Variants in POR observed in about 807,000 individuals in gnomAD.
POR encodes the protein NADPH--cytochrome P450 reductase.
In POR, 56 loss-of-function variants were observed where a neutral mutation model predicts 84.0. That is an observed-to-expected ratio of 0.67 (90% confidence interval 0.54 to 0.83). The LOEUF is 0.83. POR is among the 40% of genes least tolerant of loss of function. The pLI, the probability that POR is intolerant of heterozygous loss-of-function variation, is 0.00. For missense variants in POR, 938 were observed against 944.3 expected (o/e 0.99, Z 0.09); for synonymous variants, 414 against 400.5 (o/e 1.03, Z -0.40).
chr7:75,951,717 A>G (rs1787430702), intron 1 of POR, among the ~76,000 whole-genome samples: 1 of 152,228 alleles, frequency 6.6e-6, no homozygotes. Flanking sequence ...TGAAAAACCC[A>G]GTCGGTCATA....
chr7:75,969,507 C>T (rs1042547345), intron 2 of POR, among the ~76,000 whole-genome samples: 3 of 152,226 alleles, frequency 2.0e-5, no homozygotes, highest in Admixed American at 1.3e-4. Flanking sequence ...CAGTGCCTCC[C>T]GTGCCCCCAC....
Position 75,986,634 on chromosome 7 carries a change from A to G in POR, c.*153A>G, listed in dbSNP as rs1473534117. 5.1e-6 allele frequency: 5 copies of G among 974,742 alleles called. No homozygotes were observed. Among genetic ancestry groups the G allele is most frequent in the Admixed American group, 2.5e-5 (1 of 39,312 alleles). 60.4% of individuals were successfully genotyped at this position (974,742 alleles called of 1,614,324 possible). A position where few individuals can be genotyped will look rare whatever the true frequency, so the allele number is the denominator to read the frequency against. On this transcript the variant is annotated 3_prime_UTR_variant, in exon 16 of 16. Transcript: ENST00000461988. ...TCTGGGCCTGGGGTGCATCCTCCTC[A>G]GCCCCCAGGCCAGGTGAGGTCCACC...
In POR at chr7:75,986,556, G is replaced by A; in HGVS notation, c.*75G>A. On this transcript the variant is annotated 3_prime_UTR_variant, in exon 16 of 16. Coordinates refer to ENST00000461988, the MANE Select transcript of POR (RefSeq NM_000941.3). Reference sequence around the variant, plus strand: ...TCCTGGCTCCCTCCCGTAGTCTCCTGGGTGTGTTTGGCTTGGCCTTGGCAT... The same window carrying A: ...TCCTGGCTCCCTCCCGTAGTCTCCTAGGTGTGTTTGGCTTGGCCTTGGCAT... 2 of 1,530,976 alleles carry A rather than the reference G, an allele frequency of 1.3e-6. No homozygotes were observed. The highest frequency in any genetic ancestry group is 1.8e-6 in the Non-Finnish European group (2 of 1,140,890). 94.8% of individuals were successfully genotyped at this position (1,530,976 alleles called of 1,614,324 possible). A position where few individuals can be genotyped will look rare whatever the true frequency, so the allele number is the denominator to read the frequency against.
At chr7:75,980,521 G>C in intron 5 of POR, 33 bp downstream of exon 5, 2 of 1,612,692 alleles carry the variant, frequency 1.2e-6, no homozygotes, top group South Asian at 1.1e-5. Flanking sequence ...TGGGCTCCCG[G>C]TGGCCTGCGG....
Position 75,919,382 on chromosome 7 carries a change from CGTGT to C in POR, c.-5+4226_-5+4229del, listed in dbSNP as rs56136603. Among the ~76,000 whole-genome samples the C allele has an allele frequency of 6.8e-4, 99 of 146,518 alleles. 1 individual carries two copies. The highest frequency in any genetic ancestry group is 5.5e-3 in the South Asian group (25 of 4,554). Reference sequence around the variant, plus strand: ...ACACGCCTGTCTGCATCTGTGCGTGCGTGTGTGTGTGTGTGTGTGTGTGTGTATG... The same window carrying C: ...ACACGCCTGTCTGCATCTGTGCGTGCGTGTGTGTGTGTGTGTGTGTGTATG... On this transcript the variant is annotated intron_variant, in intron 1 of 15. Coordinates refer to ENST00000461988, the MANE Select transcript of POR (RefSeq NM_000941.3).
At chr7:75,944,890 CA>C (rs1445802783) in intron 1 of POR, among the ~76,000 whole-genome samples, 135 of 152,220 alleles carry the variant, frequency 8.9e-4, no homozygotes, top group Non-Finnish European at 3.5e-4. Context: ...AACAAATGAA[CA>C]GAGCCTCAGG....
At chr7:75,962,110 G>A (rs1453382631) in intron 2 of POR, among the ~76,000 whole-genome samples, 3 of 152,098 alleles carry the variant, frequency 2.0e-5, no homozygotes, top group Non-Finnish European at 2.9e-5. Context: ...CTTCAGCATC[G>A]TTAGATACCC....
chr7:75,955,603 T>G (rs1357953328), intron 2 of POR, among the ~76,000 whole-genome samples: 2 of 152,226 alleles, frequency 1.3e-5, no homozygotes, highest in Admixed American at 6.5e-5. Context: ...AGGGACTCCC[T>G]GGATTTGGCA....
At chr7:75,916,174 C>T (rs1806558564) in intron 1 of POR, among the ~76,000 whole-genome samples, 1 of 152,140 alleles carries the variant, frequency 6.6e-6, no homozygotes, top group Non-Finnish European at 1.5e-5. Flanking sequence ...AAGACAGCCA[C>T]CCTGCTCTCC....
At chr7:75,939,433 G>A (rs1313077840) in intron 1 of POR, among the ~76,000 whole-genome samples, 1 of 151,282 alleles carries the variant, frequency 6.6e-6, no homozygotes, top group Non-Finnish European at 1.5e-5. Context: ...GGCTTTCGGA[G>A]TACATCTCTA....
intron 1 of POR, among the ~76,000 whole-genome samples, chr7:75,931,192 CA>C (rs1208621986): frequency 6.6e-6 from 1 of 151,960 alleles, no homozygotes; most frequent in Non-Finnish European, 1.5e-5. Flanking sequence ...AATGGATAAA[CA>C]AAATGTGGTA....
At chr7:75,938,459 T>C (rs1252844620) in intron 1 of POR, among the ~76,000 whole-genome samples, 3 of 152,174 alleles carry the variant, frequency 2.0e-5, no homozygotes, top group African/African-American at 7.2e-5. Flanking sequence ...TCTGGGTGTC[T>C]CTTAAAAGTT....
At chr7:75,965,373 G>A (rs186565178) in intron 2 of POR, among the ~76,000 whole-genome samples, 1 of 152,324 alleles carries the variant, frequency 6.6e-6, no homozygotes, top group African/African-American at 2.4e-5. Context: ...TGGCAGTGCT[G>A]ATCCCAGGAG....
chr7:75,947,117 G>C (rs1216846062), intron 1 of POR: 1 of 152,192 alleles, frequency 6.6e-6, no homozygotes, highest in Non-Finnish European at 1.5e-5. Flanking sequence ...TGGGTTTGCA[G>C]TGGTTGTTCA....
At chr7:75,946,307 G>C (rs782285394) in intron 1 of POR, among the ~76,000 whole-genome samples, 2 of 151,930 alleles carry the variant, frequency 1.3e-5, no homozygotes, top group Non-Finnish European at 2.9e-5. Flanking sequence ...TTTTTCTTGA[G>C]ACAGGACCTC....
intron 1 of POR, among the ~76,000 whole-genome samples, chr7:75,940,116 CTG>C (rs1247941503): frequency 6.6e-6 from 1 of 150,906 alleles, no homozygotes; most frequent in African/African-American, 2.4e-5. Context: ...CGGAGTCTCA[CTG>C]TGTTGCCCAG....
At chr7:75,930,084 T>C (rs1248401930) in intron 1 of POR, among the ~76,000 whole-genome samples, 3 of 152,148 alleles carry the variant, frequency 2.0e-5, no homozygotes, top group Non-Finnish European at 4.4e-5. Flanking sequence ...GTAAAATGGG[T>C]GAAATAATAT....
intron 2 of POR, among the ~76,000 whole-genome samples, chr7:75,954,905 A>C (rs2116426315): frequency 6.6e-6 from 1 of 152,142 alleles, no homozygotes; most frequent in South Asian, 2.1e-4. Context: ...ACAGGGTCTC[A>C]CCATGTTGGC....
rs1789000229 is a variant in POR, at chr7:75,981,168, G to A, written c.637G>A (p.Gly213Arg). 6.5e-7 allele frequency: 1 copy of A among 1,541,656 alleles called. No individual in the cohort carries two copies. The highest frequency in any genetic ancestry group is 8.8e-7 in the Non-Finnish European group (1 of 1,142,480). ...TGAGCTGGGGTTGGGCGACGACGAT[G>A]GGAAGTGAGTGCCCACCCTGCCACC... Residue 213 changes from glycine to arginine, a missense_variant, in exon 6 of 16, where the codon GGG (glycine) becomes AGG (arginine). Coordinates refer to ENST00000461988, the MANE Select transcript of POR (RefSeq NM_000941.3).
Sources: allele counts gnomAD v4.1 joint callset (sites outside exome capture counted in the v4.1 genomes callset), GRCh38; gene constraint gnomAD v4.1.1; transcripts MANE v1.5; gene names NCBI Gene and HGNC (gene_info 2026-07-23, HGNC 2026-07-21).